Variants in GRIK2 observed in about 807,000 individuals in gnomAD.
The protein encoded by GRIK2 is glutamate ionotropic receptor kainate type subunit 2, also known as glutamate receptor ionotropic, kainate 2.
A neutral mutation model predicts 100.3 loss-of-function variants in GRIK2; 32 were observed. The ratio of observed to expected loss-of-function variants is 0.32; its 90% CI spans 0.24 to 0.43. The LOEUF (loss-of-function observed/expected upper bound fraction) is 0.43. GRIK2 is among the 20% of genes least tolerant of loss of function. The pLI, the probability that GRIK2 is intolerant of heterozygous loss-of-function variation, is 1.00. For missense variants in GRIK2, 843 were observed against 1,114.9 expected, an observed-to-expected ratio of 0.76 and a Z score of 3.47; for synonymous variants, 417 against 389.4, an observed-to-expected ratio of 1.07 and a Z score of -0.83.
chr6:101,719,893 T>C (rs553540182), intron 7 of GRIK2, among the ~76,000 whole-genome samples: 1 of 152,028 alleles, frequency 6.6e-6, no homozygotes, highest in African/African-American at 2.4e-5. Flanking sequence ...GCACAAGGTA[T>C]TCTGAGATTT....
intron 2 of GRIK2, among the ~76,000 whole-genome samples, chr6:101,593,553 A>T (rs1327199072): frequency 6.6e-6 from 1 of 151,858 alleles, no homozygotes; most frequent in African/African-American, 2.4e-5. Context: ...CTCTCTCACA[A>T]TATTATAAAC....
intron 2 of GRIK2, among the ~76,000 whole-genome samples, chr6:101,402,926 T>C (rs1329874662): frequency 6.6e-6 from 1 of 152,180 alleles, no homozygotes; most frequent in Non-Finnish European, 1.5e-5. Context: ...GTGTGACCAA[T>C]TCCACGGCCT....
At chr6:101,604,676 G>A (rs1041362192) in intron 2 of GRIK2, among the ~76,000 whole-genome samples, 4 of 151,854 alleles carry the variant, frequency 2.6e-5, no homozygotes, top group Non-Finnish European at 5.9e-5. Flanking sequence ...AAGAAGATTG[G>A]TTAATTATCC....
intron 4 of GRIK2, among the ~76,000 whole-genome samples, chr6:101,638,723 T>C (rs2128323467): frequency 6.6e-6 from 1 of 152,216 alleles, no homozygotes; most frequent in South Asian, 2.1e-4. Flanking sequence ...TATGATGACA[T>C]ATGTAGATGT....
chr6:101,835,372 C>A (rs1001218948), intron 10 of GRIK2, among the ~76,000 whole-genome samples: 1 of 149,344 alleles, frequency 6.7e-6, no homozygotes, highest in Non-Finnish European at 1.5e-5. Context: ...TGACAGTTTT[C>A]TATGAAAATG....
At chr6:101,887,040 G>T (rs1786694766) in intron 11 of GRIK2, among the ~76,000 whole-genome samples, 1 of 151,532 alleles carries the variant, frequency 6.6e-6, no homozygotes, top group Admixed American at 6.6e-5. Flanking sequence ...ATGTTGGCCA[G>T]GATGGTCTCG....
At chr6:102,004,833 G>GC (rs973288664) in intron 14 of GRIK2, among the ~76,000 whole-genome samples, 89 of 151,032 alleles carry the variant, frequency 5.9e-4, no homozygotes, top group African/African-American at 8.2e-4. Flanking sequence ...TAGTTAAACT[G>GC]CCCCCCCACC....
At chr6:101,615,688 A>G (rs1322433256) in intron 2 of GRIK2, among the ~76,000 whole-genome samples, 3 of 151,826 alleles carry the variant, frequency 2.0e-5, no homozygotes, top group Non-Finnish European at 2.9e-5. Flanking sequence ...AAACAGTTTT[A>G]TAGAAGATTC....
At chr6:102,056,638 T>C (rs991201988) in intron 16 of GRIK2, among the ~76,000 whole-genome samples, 8 of 152,100 alleles carry the variant, frequency 5.3e-5, no homozygotes, top group African/African-American at 1.7e-4. Flanking sequence ...TTGAAAATAA[T>C]GCCATACAGG....
At chr6:101,885,040 G>C (rs1786517461) in intron 11 of GRIK2, among the ~76,000 whole-genome samples, 1 of 152,106 alleles carries the variant, frequency 6.6e-6, no homozygotes, top group Admixed American at 6.6e-5. Flanking sequence ...TTTGATCGAA[G>C]GGTATGCCTG....
chr6:102,046,259 T>C (rs1005188069), intron 15 of GRIK2, among the ~76,000 whole-genome samples: 3 of 152,082 alleles, frequency 2.0e-5, no homozygotes, highest in Non-Finnish European at 4.4e-5. Flanking sequence ...CTTTTATTAA[T>C]AGGTAAATCA....
chr6:101,889,901 T>TA lies in GRIK2; in HGVS notation c.1748+39dup, dbSNP rs774270636. On this transcript the variant is annotated intron_variant, in intron 12 of 16. Transcript: ENST00000369134. ...CTTTTGTGATTTTTTTGGCAATTGT[T>TA]ACCTCCTTTATCTAACTAATAATTG... 4.0e-5 allele frequency: 45 copies of TA among 1,124,596 alleles called. No homozygotes were observed. The South Asian group carries it at 5.5e-4, about 14-fold the overall frequency. 69.7% of individuals were successfully genotyped at this position (1,124,596 alleles called of 1,614,324 possible). A position where few individuals can be genotyped will look rare whatever the true frequency, so the allele number is the denominator to read the frequency against.
chr6:101,943,379 C>T (rs1791075085), intron 14 of GRIK2, among the ~76,000 whole-genome samples: 1 of 152,194 alleles, frequency 6.6e-6, no homozygotes, highest in Non-Finnish European at 1.5e-5. Flanking sequence ...CACAGAGTCT[C>T]CACTGGGGCA....
rs1772167896 is a variant in GRIK2, at chr6:102,069,476, G to C, written c.*965G>C. ...TTCAGACATAGCAATCCAAACCCTTGTTCCTGCTGTAAATGAACTTGATGG... is the reference window on the plus strand; with the variant it reads ...TTCAGACATAGCAATCCAAACCCTTCTTCCTGCTGTAAATGAACTTGATGG... On this transcript the variant is annotated 3_prime_UTR_variant, in exon 17 of 17. Coordinates refer to ENST00000369134, the MANE Select transcript of GRIK2 (RefSeq NM_021956.5). The C allele has an allele frequency of 1.3e-5, 2 of 151,742 alleles. No individual in the cohort carries two copies. Among genetic ancestry groups the C allele is most frequent in the Admixed American group, 1.3e-4 (2 of 15,140 alleles). 9.4% of individuals were successfully genotyped at this position (151,742 alleles called of 1,614,324 possible).
intron 11 of GRIK2, among the ~76,000 whole-genome samples, chr6:101,872,856 T>A (rs1379832436): frequency 6.6e-6 from 1 of 151,912 alleles, no homozygotes; most frequent in African/African-American, 2.4e-5. Context: ...AAGTCAGAAT[T>A]TTAAATTATA....
chr6:101,716,380 A>G (rs1774069486), intron 7 of GRIK2, among the ~76,000 whole-genome samples: 1 of 151,726 alleles, frequency 6.6e-6, no homozygotes, highest in African/African-American at 2.4e-5. Context: ...AATACTATCT[A>G]TGAATTCCTT....
At chr6:101,848,025 G>A (rs1157673716) in intron 10 of GRIK2, among the ~76,000 whole-genome samples, 1 of 152,078 alleles carries the variant, frequency 6.6e-6, no homozygotes, top group East Asian at 1.9e-4. Flanking sequence ...AAGTCCTTGA[G>A]CCCATCCCTC....
chr6:101,724,430 G>A (rs1774718039), intron 7 of GRIK2, among the ~76,000 whole-genome samples: 1 of 151,778 alleles, frequency 6.6e-6, no homozygotes, highest in African/African-American at 2.4e-5. Flanking sequence ...CCACTTATAA[G>A]TGAGAACATG....
At chr6:101,493,982 T>A (rs1016675721) in intron 2 of GRIK2, among the ~76,000 whole-genome samples, 5 of 129,918 alleles carry the variant, frequency 3.8e-5, no homozygotes, top group African/African-American at 1.0e-4. Flanking sequence ...ATTTATATAT[T>A]ATATAAAAAT....
Sources: gnomAD v4.1 joint callset for allele counts (sites outside exome capture counted in the v4.1 genomes callset) on GRCh38, gnomAD v4.1.1 for gene constraint, MANE v1.5 for transcripts, NCBI Gene and HGNC (gene_info 2026-07-23, HGNC 2026-07-21) for gene names.